Variants in TRHDE observed in about 807,000 individuals in gnomAD.
TRHDE encodes the protein thyrotropin releasing hormone degrading enzyme.
TRHDE carries 72 observed loss-of-function variants against 125.7 expected under a neutral mutation model. The ratio of observed to expected loss-of-function variants is 0.57; its 90% CI spans 0.47 to 0.70. TRHDE has a LOEUF of 0.70. TRHDE is among the 30% of genes least tolerant of loss of function. The probability of loss-of-function intolerance (pLI) is 0.00; values close to 1 mark genes in which losing one functional copy is unlikely to be tolerated. For synonymous variants in TRHDE, 509 were observed against 509.1 expected (o/e 1.00, Z 0.00); for missense variants, 1,110 against 1,327.1 (o/e 0.84, Z 2.54).
At chr12:72,296,311 G>T (rs917015693) in intron 2 of TRHDE, among the ~76,000 whole-genome samples, 6 of 152,188 alleles carry the variant, frequency 3.9e-5, no homozygotes, top group African/African-American at 1.4e-4. Flanking sequence ...TACAATACCA[G>T]TATCATCACT....
intron 2 of TRHDE, among the ~76,000 whole-genome samples, chr12:72,318,296 A>G (rs926404082): frequency 5.3e-5 from 8 of 152,104 alleles, no homozygotes; most frequent in African/African-American, 1.9e-4. Context: ...TAAACAGGAG[A>G]ATACAGTGAA....
intron 2 of TRHDE, among the ~76,000 whole-genome samples, chr12:72,151,334 A>T (rs1319907229): frequency 6.6e-6 from 1 of 152,128 alleles, no homozygotes; most frequent in Middle Eastern, 3.4e-3. Flanking sequence ...ATTTTCTCCC[A>T]TTCTGTAGGT....
chr12:72,203,634 C>T (rs999454369), intron 2 of TRHDE, among the ~76,000 whole-genome samples: 1 of 152,140 alleles, frequency 6.6e-6, no homozygotes, highest in African/African-American at 2.4e-5. Flanking sequence ...CACCACACAC[C>T]AGCACAGGCC....
At chr12:72,501,113 C>T (rs1461510320) in intron 6 of TRHDE, among the ~76,000 whole-genome samples, 1 of 151,536 alleles carries the variant, frequency 6.6e-6, no homozygotes, top group Non-Finnish European at 1.5e-5. Context: ...TCAGATTTAT[C>T]CCTAAGTATT....
At chr12:72,315,887 G>C (rs982098456) in intron 2 of TRHDE, among the ~76,000 whole-genome samples, 2 of 152,160 alleles carry the variant, frequency 1.3e-5, no homozygotes, top group Non-Finnish European at 2.9e-5. Flanking sequence ...TTGGAATTAT[G>C]GTTACTTTAA....
At chr12:72,238,134 G>T (rs1365289126) in intron 2 of TRHDE, among the ~76,000 whole-genome samples, 3 of 151,190 alleles carry the variant, frequency 2.0e-5, no homozygotes, top group Non-Finnish European at 2.9e-5. Context: ...TGTTTGAAAA[G>T]GATGGTAGAA....
intron 18 of TRHDE, among the ~76,000 whole-genome samples, chr12:72,658,294 A>G (rs1167786721): frequency 6.6e-6 from 1 of 152,238 alleles, no homozygotes; most frequent in South Asian, 2.1e-4. Flanking sequence ...TTTTCTCTGT[A>G]TTTAAATGAA....
At chr12:72,345,034 G>A (rs1424041518) in intron 2 of TRHDE, among the ~76,000 whole-genome samples, 1 of 152,056 alleles carries the variant, frequency 6.6e-6, no homozygotes, top group Non-Finnish European at 1.5e-5. Context: ...TGGTTGATAT[G>A]TTTATTTATG....
chr12:72,088,964 C>T (rs1874729701), intron 1 of TRHDE, among the ~76,000 whole-genome samples: 1 of 152,112 alleles, frequency 6.6e-6, no homozygotes. Flanking sequence ...CCTATTAGAC[C>T]TCTCCATTTG....
At position 72,190,011 on chromosome 12, in the gene TRHDE, C is replaced by G. The variant is rs1877306253; in HGVS notation, n.279+84259C>G. On this transcript the variant is annotated intron_variant and non_coding_transcript_variant, in intron 2 of 4. Coordinates refer to the TRHDE transcript ENST00000548156. The stretch of plus-strand genomic sequence containing the variant: ...GTAGTATTCGGAAGTAAAAAATAGT[C>G]TACCCTTGAGAAACTGCTCTTGGCT... 2.6e-5 allele frequency among the ~76,000 whole-genome samples: 4 copies of G among 152,170 alleles called. No homozygotes were observed. The South Asian group carries it at 8.3e-4, about 32-fold the overall frequency.
At chr12:72,194,836 G>A (rs535205155) in intron 2 of TRHDE, among the ~76,000 whole-genome samples, 17 of 152,242 alleles carry the variant, frequency 1.1e-4, no homozygotes, top group African/African-American at 3.9e-4. Context: ...GCTGCTACGA[G>A]TGGATGTGTC....
chr12:72,443,241 C>T (rs1289796999), intron 3 of TRHDE, among the ~76,000 whole-genome samples: 1 of 143,728 alleles, frequency 7.0e-6, no homozygotes, highest in Non-Finnish European at 1.5e-5. Context: ...TTTTCCACTA[C>T]TTTATGTGCT....
chr12:72,220,745 A>T (rs918325929), intron 2 of TRHDE, among the ~76,000 whole-genome samples: 3 of 152,060 alleles, frequency 2.0e-5, no homozygotes, highest in Non-Finnish European at 4.4e-5. Context: ...TACTATAGTT[A>T]TTTATGCATG....
intron 18 of TRHDE, among the ~76,000 whole-genome samples, chr12:72,658,426 G>A (rs958245561): frequency 1.3e-5 from 2 of 152,024 alleles, no homozygotes; most frequent in Non-Finnish European, 2.9e-5. Flanking sequence ...CTTCTCTCCT[G>A]TTTGCTTCCT....
chr12:72,441,452 TTCA>T (rs367597123), intron 3 of TRHDE, among the ~76,000 whole-genome samples: 124 of 151,962 alleles, frequency 8.2e-4, no homozygotes, highest in African/African-American at 2.9e-3. Context: ...AGTAAGACAG[TTCA>T]TCATTGCAGT....
At chr12:72,105,811 A>C (rs964517772) in intron 2 of TRHDE, 3 of 152,180 alleles carry the variant, frequency 2.0e-5, no homozygotes, top group Non-Finnish European at 2.9e-5. Context: ...ACACACAACA[A>C]AATACTTTAT....
At chr12:72,399,834 A>G (rs190981538) in intron 3 of TRHDE, among the ~76,000 whole-genome samples, 2 of 152,282 alleles carry the variant, frequency 1.3e-5, no homozygotes, top group African/African-American at 4.8e-5. Context: ...TTCAATGATA[A>G]ATGACTGACA....
At chr12:72,328,658 T>C (rs1359410237) in intron 2 of TRHDE, among the ~76,000 whole-genome samples, 2 of 152,116 alleles carry the variant, frequency 1.3e-5, no homozygotes, top group African/African-American at 4.8e-5. Context: ...ACATGCATAA[T>C]AAGTCAGCTG....
At chr12:72,590,480 T>C (rs1441615459) in intron 12 of TRHDE, among the ~76,000 whole-genome samples, 1 of 152,086 alleles carries the variant, frequency 6.6e-6, no homozygotes, top group Admixed American at 6.5e-5. Flanking sequence ...TCATTTTGAT[T>C]CAGTCAATTT....
Sources: gnomAD v4.1 joint callset for allele counts (sites outside exome capture counted in the v4.1 genomes callset) on GRCh38, gnomAD v4.1.1 for gene constraint, MANE v1.5 for transcripts, NCBI Gene and HGNC (gene_info 2026-07-23, HGNC 2026-07-21) for gene names.